Variants in SGK1 observed in about 807,000 individuals in gnomAD.
SGK1 encodes serum/glucocorticoid regulated kinase 1, also known as serine/threonine-protein kinase Sgk1.
SGK1 carries 26 observed loss-of-function variants against 64.2 expected under a neutral mutation model. The observed-to-expected ratio is 0.40, with a 90% CI of 0.30 to 0.56. SGK1 has a LOEUF of 0.56. Among genes scored for constraint, SGK1 ranks in the 20% least tolerant of loss-of-function variants. SGK1 has a pLI of 0.38. For synonymous variants in SGK1, 265 were observed against 239.7 expected, an observed-to-expected ratio of 1.11 and a Z score of -0.98; for missense variants, 519 against 645.6, an observed-to-expected ratio of 0.80 and a Z score of 2.12.
intron 1 of SGK1, chr6:134,297,413 A>G: frequency 4.2e-6 from 3 of 721,804 alleles, no homozygotes; most frequent in Admixed American, 1.8e-5. Flanking sequence ...GCTGCTCGGC[A>G]TCTGCGATGG....
intron 2 of SGK1, among the ~76,000 whole-genome samples, chr6:134,219,384 C>T (rs796491457): frequency 5.6e-4 from 85 of 152,228 alleles, no homozygotes; most frequent in African/African-American, 2.0e-3. Flanking sequence ...TTTAAATTTC[C>T]CTCCTGGCTC....
intron 1 of SGK1, among the ~76,000 whole-genome samples, chr6:134,271,602 C>T (rs1273271087): frequency 1.1e-4 from 16 of 147,228 alleles, no homozygotes; most frequent in Admixed American, 8.4e-4. Flanking sequence ...TCCCCTTTTC[C>T]AGTGTTTTTT....
At chr6:134,296,907 G>A in intron 1 of SGK1, 1 of 326,344 alleles carries the variant, frequency 3.1e-6, no homozygotes, top group Non-Finnish European at 6.0e-6. Flanking sequence ...TGGGTCTCCT[G>A]TTCCCTGTCC....
chr6:134,258,743 G>A (rs1776721107), intron 2 of SGK1, among the ~76,000 whole-genome samples: 1 of 152,092 alleles, frequency 6.6e-6, no homozygotes, highest in Non-Finnish European at 1.5e-5. Context: ...GCTTAGGCCT[G>A]TAATCCGAAC....
chr6:134,284,187 G>C (rs1777143688), intron 1 of SGK1, among the ~76,000 whole-genome samples: 1 of 152,108 alleles, frequency 6.6e-6, no homozygotes, highest in African/African-American at 2.4e-5. Context: ...CTGCCTCCCA[G>C]GTTCAAGCAA....
chr6:134,265,286 C>G (rs1455953980), intron 1 of SGK1, among the ~76,000 whole-genome samples: 1 of 151,632 alleles, frequency 6.6e-6, no homozygotes. Context: ...ATGACAAAAC[C>G]CCATCTCTAC....
At chr6:134,185,811 C>A (rs1017277202) in intron 3 of SGK1, among the ~76,000 whole-genome samples, 21 of 152,040 alleles carry the variant, frequency 1.4e-4, no homozygotes, top group African/African-American at 5.1e-4. Context: ...CCGGGGGCTG[C>A]TGGTGTAAGT....
At chr6:134,214,924 G>GT in intron 2 of SGK1, 1 of 373,868 alleles carries the variant, frequency 2.7e-6, no homozygotes, top group Non-Finnish European at 5.3e-6. Context: ...ATTGGGTTAG[G>GT]TAAGTGGAAG....
chr6:134,254,808 A>C (rs564120751), intron 2 of SGK1, among the ~76,000 whole-genome samples: 1 of 152,340 alleles, frequency 6.6e-6, no homozygotes, highest in African/African-American at 2.4e-5. Flanking sequence ...ATACATGTTC[A>C]TCTTCAACTT....
intron 1 of SGK1, among the ~76,000 whole-genome samples, chr6:134,299,636 A>G (rs370810531): frequency 6.6e-6 from 1 of 152,172 alleles, no homozygotes. Context: ...ACTCATAACA[A>G]GTATGCTCAT....
At chr6:134,214,357 G>A (rs571880490) in intron 2 of SGK1, among the ~76,000 whole-genome samples, 24 of 152,258 alleles carry the variant, frequency 1.6e-4, no homozygotes, top group East Asian at 9.6e-4. Flanking sequence ...TTGGGAGGCC[G>A]AGGCAGGCGG....
intron 1 of SGK1, chr6:134,297,758 C>G: frequency 2.0e-6 from 1 of 497,324 alleles, no homozygotes; most frequent in East Asian, 4.6e-5. Context: ...GCCTCGGCCT[C>G]CCAAAGTGCT....
intron 3 of SGK1, chr6:134,174,940 C>A: frequency 1.4e-6 from 2 of 1,471,388 alleles, no homozygotes; most frequent in Non-Finnish European, 1.8e-6. Context: ...TGAGAAGTGG[C>A]CCCGCCCTTC....
intron 3 of SGK1, chr6:134,177,982 C>G: frequency 6.0e-6 from 4 of 668,646 alleles, no homozygotes; most frequent in Non-Finnish European, 9.9e-6. Flanking sequence ...CATCAGTGTC[C>G]TAGCTTTATT....
At chr6:134,228,102 C>A (rs577730355) in intron 2 of SGK1, among the ~76,000 whole-genome samples, 2 of 152,006 alleles carry the variant, frequency 1.3e-5, no homozygotes, top group South Asian at 2.1e-4. Flanking sequence ...ATTACAGGTG[C>A]CTGCCAGCAT....
At chr6:134,225,889 A>C (rs1562257389) in intron 2 of SGK1, among the ~76,000 whole-genome samples, 1 of 151,924 alleles carries the variant, frequency 6.6e-6, no homozygotes. Context: ...GCTGGGCAAC[A>C]TGGCAAAACT....
intron 3 of SGK1, among the ~76,000 whole-genome samples, chr6:134,177,182 C>T (rs1003072008): frequency 1.3e-5 from 2 of 152,146 alleles, no homozygotes; most frequent in African/African-American, 4.8e-5. Flanking sequence ...CCACTGCACT[C>T]CAGCCTGGCA....
chr6:134,312,053 T>C (rs1777616513), intron 1 of SGK1, among the ~76,000 whole-genome samples: 1 of 152,194 alleles, frequency 6.6e-6, no homozygotes, highest in African/African-American at 2.4e-5. Context: ...TGCAACAGTA[T>C]TGGCATCATC....
At chr6:134,314,375 C>A (rs117082115) in intron 1 of SGK1, among the ~76,000 whole-genome samples, 2,703 of 152,128 alleles carry the variant, frequency 0.018, 35 homozygotes, top group Admixed American at 0.031. Context: ...ACAGAAGAGT[C>A]TGTTGTGGAA....
Sources: allele counts gnomAD v4.1 joint callset (sites outside exome capture counted in the v4.1 genomes callset), GRCh38; gene constraint gnomAD v4.1.1; transcripts MANE v1.5; gene names NCBI Gene and HGNC (gene_info 2026-07-23, HGNC 2026-07-21).